ZFYVE28: variants seen among roughly 807,000 people sequenced by gnomAD.
ZFYVE28 encodes the protein zinc finger FYVE-type containing 28, also known as lateral signaling target protein 2 homolog.
Under a neutral mutation model 82.1 loss-of-function variants are expected in ZFYVE28, and 40 were observed. That is an observed-to-expected ratio of 0.49 (90% CI 0.38 to 0.63). The LOEUF (loss-of-function observed/expected upper bound fraction) is 0.63, where lower values mean the gene tolerates loss of function less well. ZFYVE28 is among the 30% of genes least tolerant of loss of function. The pLI is 0.00. For synonymous variants in ZFYVE28, 612 were observed against 546.1 expected (o/e 1.12, Z -1.68); for missense variants, 1,321 against 1,242.1 (o/e 1.06, Z -0.96).
intron 1 of ZFYVE28, among the ~76,000 whole-genome samples, chr4:2,413,254 A>C (rs1439074659): frequency 6.6e-6 from 1 of 152,250 alleles, no homozygotes; most frequent in Non-Finnish European, 1.5e-5. Flanking sequence ...GAGGCCAGGG[A>C]GTAGGTTCTA....
intron 2 of ZFYVE28, among the ~76,000 whole-genome samples, chr4:2,344,694 C>T (rs928280002): frequency 2.7e-5 from 4 of 150,600 alleles, no homozygotes; most frequent in Non-Finnish European, 4.4e-5. Context: ...GTCGGGAGTT[C>T]GAGACCAGCC....
intron 1 of ZFYVE28, among the ~76,000 whole-genome samples, chr4:2,374,764 A>G (rs1314111033): frequency 3.9e-5 from 6 of 152,248 alleles, no homozygotes; most frequent in South Asian, 2.1e-4. Context: ...AAACCCCAAC[A>G]TCAGACGCTG....
chr4:2,394,742 G>A lies in ZFYVE28; in HGVS notation c.39+23543C>T. 6.6e-6 allele frequency among the ~76,000 whole-genome samples: 1 copy of A among 152,236 alleles called. No homozygotes were observed. Among genetic ancestry groups the A allele is most frequent in the East Asian group, 1.9e-4 (1 of 5,200 alleles). ...ACTCTGCGCAGCTGCATCGATGCCT[G>A]ACTGCACGTGTGCGTGCTTCCATTA... On this transcript the variant is annotated intron_variant, in intron 1 of 12. Transcript: ENST00000290974. The surrounding 1 kb of genome is among the most constrained non-coding windows in gnomAD (Gnocchi z 4.0).
intron 6 of ZFYVE28, among the ~76,000 whole-genome samples, chr4:2,327,294 ATATATATATATATATC>A (rs1560209119): frequency 7.6e-5 from 4 of 52,864 alleles, no homozygotes; most frequent in South Asian, 1.2e-3. Context: ...ATATATATAT[ATATATATATATATATC>A]GAATAAAGTT....
chr4:2,340,373 G>A (rs1722597249), intron 3 of ZFYVE28, among the ~76,000 whole-genome samples: 1 of 151,918 alleles, frequency 6.6e-6, no homozygotes, highest in Non-Finnish European at 1.5e-5. Context: ...TCTGGCACAG[G>A]GGCTGAGTCC....
At chr4:2,312,235 T>C (rs1015282343) in intron 7 of ZFYVE28, among the ~76,000 whole-genome samples, 3 of 152,174 alleles carry the variant, frequency 2.0e-5, no homozygotes, top group African/African-American at 7.2e-5. Flanking sequence ...ATCTCTATTA[T>C]CATGTAGTTA....
chr4:2,271,289 C>T, intron 12 of ZFYVE28, 22 bp downstream of exon 12: 2 of 1,608,592 alleles, frequency 1.2e-6, no homozygotes, highest in African/African-American at 1.3e-5. Flanking sequence ...GAGGGACCCT[C>T]CGTGCAAGGG....
intron 7 of ZFYVE28, among the ~76,000 whole-genome samples, chr4:2,306,727 C>G (rs116797133): frequency 3.1e-3 from 468 of 152,314 alleles, no homozygotes; most frequent in Middle Eastern, 0.014. Context: ...ATCTGAAATT[C>G]TAACTGAACT....
chr4:2,360,350 C>A lies in ZFYVE28; in HGVS notation c.40-6277G>T, dbSNP rs188520302. On this transcript the variant is annotated intron_variant, in intron 1 of 12. Coordinates refer to ENST00000290974, the MANE Select transcript of ZFYVE28 (RefSeq NM_020972.3). Reference sequence around the variant, plus strand: ...TAAATTAAAGACCTTAAAACCAGACCTACAAAGGTGTTGACCATCTGCAAA... The same window carrying A: ...TAAATTAAAGACCTTAAAACCAGACATACAAAGGTGTTGACCATCTGCAAA... 2.5e-3 allele frequency among the ~76,000 whole-genome samples: 374 copies of A among 149,796 alleles called. 1 individual carries two copies. Among genetic ancestry groups the A allele is most frequent in the African/African-American group, 8.6e-3 (353 of 40,968 alleles).
At chr4:2,280,106 A>G (rs966716576) in intron 8 of ZFYVE28, among the ~76,000 whole-genome samples, 1 of 152,260 alleles carries the variant, frequency 6.6e-6, no homozygotes, top group Non-Finnish European at 1.5e-5. Context: ...AATGTCCATC[A>G]ACAGTGGGTT....
chr4:2,387,668 G>A (rs34885890), intron 1 of ZFYVE28, among the ~76,000 whole-genome samples: 10,245 of 152,270 alleles, frequency 0.067, 504 homozygotes, highest in Non-Finnish European at 0.11. Context: ...GTTCTAGAAG[G>A]TTCTGGAATA....
chr4:2,341,274 G>T lies in ZFYVE28; in HGVS notation c.318+204C>A. ...TTTCATTTGTATGTATAGTTTTGGG[G>T]GCACCAGTTCATGGCTTTCCCAGAT... On this transcript the variant is annotated intron_variant, in intron 3 of 12. Coordinates refer to ENST00000290974, the MANE Select transcript of ZFYVE28 (RefSeq NM_020972.3). This position sits in a 1 kb window ranked among gnomAD's most constrained non-coding sequence, Gnocchi z 4.5. 1 of 657,614 alleles carries T rather than the reference G, an allele frequency of 1.5e-6. No individual in the cohort carries two copies. Among genetic ancestry groups the T allele is most frequent in the Non-Finnish European group, 2.6e-6 (1 of 387,128 alleles). The allele number at this position is 657,614 out of a possible 1,614,324, so 40.7% of individuals were successfully genotyped here.
At chr4:2,353,504 G>A (rs1724780523) in intron 2 of ZFYVE28, among the ~76,000 whole-genome samples, 1 of 152,180 alleles carries the variant, frequency 6.6e-6, no homozygotes, top group Admixed American at 6.5e-5. Flanking sequence ...CTCGGCCAGG[G>A]TATTTTTAGC....
intron 1 of ZFYVE28, among the ~76,000 whole-genome samples, chr4:2,414,368 G>C (rs1477063255): frequency 6.6e-6 from 1 of 152,274 alleles, no homozygotes; most frequent in Non-Finnish European, 1.5e-5. Context: ...AAGTCACTCA[G>C]GCTTCTCTTG....
chr4:2,385,852 G>C (rs892336309), intron 1 of ZFYVE28, among the ~76,000 whole-genome samples: 2 of 152,214 alleles, frequency 1.3e-5, no homozygotes, highest in East Asian at 3.8e-4. Flanking sequence ...CCTCACAGGG[G>C]ACCCATCTGG....
intron 1 of ZFYVE28, among the ~76,000 whole-genome samples, chr4:2,405,624 G>T (rs1731802407): frequency 6.6e-6 from 1 of 152,258 alleles, no homozygotes; most frequent in Non-Finnish European, 1.5e-5. Context: ...GGGCACAGGA[G>T]AGTGGCCCCC....
Position 2,271,790 on chromosome 4 carries a change from A to AG in ZFYVE28, c.2324-12dup, listed in dbSNP as rs752055479. On this transcript the variant is annotated splice_polypyrimidine_tract_variant and intron_variant, in intron 10 of 12. Transcript: ENST00000290974. Reference sequence around the variant, plus strand: ...GCAGAGTCTGGGTGACTAGTGGAGAAGGGGGGCCGTCGGGGTATGGTGAGG... The same window carrying AG: ...GCAGAGTCTGGGTGACTAGTGGAGAAGGGGGGGCCGTCGGGGTATGGTGAGG... 12 of 1,612,104 alleles carry AG rather than the reference A, an allele frequency of 7.4e-6. No individual in the cohort carries two copies. Among genetic ancestry groups the AG allele is most frequent in the South Asian group, 3.3e-5 (3 of 91,074 alleles).
At chr4:2,301,810 C>T (rs1280023429) in intron 8 of ZFYVE28, among the ~76,000 whole-genome samples, 2 of 152,358 alleles carry the variant, frequency 1.3e-5, no homozygotes, top group South Asian at 2.1e-4. Context: ...CTGAGGAAAG[C>T]ATCCAGTAGT....
Position 2,341,437 on chromosome 4 carries a change from C to T in ZFYVE28, c.318+41G>A. ...TTCGCAGGGACTTGGCTAGACGCCA[C>T]CCCACATCAGGACCTCCGAACCCGG... On this transcript the variant is annotated intron_variant, in intron 3 of 12. Transcript: ENST00000290974. The surrounding 1 kb of genome is among the most constrained non-coding windows in gnomAD (Gnocchi z 4.5). The T allele has an allele frequency of 1.2e-6, 2 of 1,608,706 alleles. No individual in the cohort carries two copies. The highest frequency in any genetic ancestry group is 1.1e-5 in the South Asian group (1 of 90,548).
Sources: allele counts gnomAD v4.1 joint callset (sites outside exome capture counted in the v4.1 genomes callset), GRCh38; gene constraint gnomAD v4.1.1; non-coding constraint Gnocchi (gnomAD v3.1); transcripts MANE v1.5; gene names NCBI Gene and HGNC (gene_info 2026-07-23, HGNC 2026-07-21).